Variants in DIAPH2 observed in about 807,000 individuals in gnomAD.
DIAPH2 encodes protein diaphanous homolog 2.
Under a neutral mutation model 92.7 loss-of-function variants are expected in DIAPH2, and 35 were observed. The observed-to-expected ratio is 0.38, with a 90% CI of 0.29 to 0.50. The LOEUF (loss-of-function observed/expected upper bound fraction) is 0.50, where lower values mean the gene tolerates loss of function less well. Ranked by LOEUF, DIAPH2 falls within the 20% of genes least tolerant of loss-of-function variation. The probability of loss-of-function intolerance (pLI) is 0.94; values close to 1 mark genes in which losing one functional copy is unlikely to be tolerated. For missense variants in DIAPH2, 701 were observed against 819.5 expected (o/e 0.86, Z 1.77); for synonymous variants, 301 against 280.4 (o/e 1.07, Z -0.73).
chrX:97,093,070 C>A (rs1207020124), intron 19 of DIAPH2, among the ~76,000 whole-genome samples: 1 of 108,627 alleles, frequency 9.2e-6, no homozygotes, highest in African/African-American at 3.4e-5. Flanking sequence ...AGCCTGTAGT[C>A]CCAACTGCTC....
At chrX:96,876,848 A>T (rs770173252) in intron 4 of DIAPH2, among the ~76,000 whole-genome samples, 1 of 111,080 alleles carries the variant, frequency 9.0e-6, no homozygotes, top group East Asian at 2.8e-4. Context: ...AACATGGCAC[A>T]TGTATACATA....
chrX:97,236,913 C>T lies in DIAPH2; in HGVS notation c.2720-10802C>T, dbSNP rs768035338. Among the ~76,000 whole-genome samples the T allele has an allele frequency of 7.2e-5, 8 of 111,656 alleles. No individual in the cohort carries two copies. In the East Asian group the frequency reaches 2.2e-3, roughly 31 times the overall value. Reference sequence around the variant, plus strand: ...AATGCTTATTCAAGAAGCAGGTAGTCGTCTTGTTGTGAAACAGTGTTCATT... The same window carrying T: ...AATGCTTATTCAAGAAGCAGGTAGTTGTCTTGTTGTGAAACAGTGTTCATT... On this transcript the variant is annotated intron_variant, in intron 22 of 26. Transcript: ENST00000324765.
chrX:96,823,744 GT>G (rs2064793683), intron 4 of DIAPH2, among the ~76,000 whole-genome samples: 2 of 109,463 alleles, frequency 1.8e-5, no homozygotes, highest in Non-Finnish European at 3.8e-5. Flanking sequence ...TTTTTGCCTT[GT>G]TTACCAACTT....
chrX:97,190,281 G>T (rs1324280895), intron 22 of DIAPH2, among the ~76,000 whole-genome samples: 7 of 112,514 alleles, frequency 6.2e-5, no homozygotes, highest in Non-Finnish European at 1.3e-4. Flanking sequence ...CATCACTAGG[G>T]TAGATGAACA....
chrX:96,888,590 T>C (rs377592097), intron 5 of DIAPH2, among the ~76,000 whole-genome samples: 2 of 98,515 alleles, frequency 2.0e-5, no homozygotes, highest in Non-Finnish European at 4.1e-5. Context: ...TCTATATATA[T>C]ACAGATATAT....
chrX:97,340,658 GTT>G (rs1197732406), intron 23 of DIAPH2, among the ~76,000 whole-genome samples: 3 of 95,190 alleles, frequency 3.2e-5, no homozygotes, highest in Non-Finnish European at 4.3e-5. Context: ...TGTTTTTTTT[GTT>G]TTTTTTTTTT....
intron 22 of DIAPH2, among the ~76,000 whole-genome samples, chrX:97,203,021 C>G (rs1032367920): frequency 8.9e-6 from 1 of 112,187 alleles, no homozygotes; most frequent in Admixed American, 9.4e-5. Flanking sequence ...GAAACTCACT[C>G]AAAGTCACAC....
chrX:97,100,574 TA>T (rs899179445), intron 20 of DIAPH2, among the ~76,000 whole-genome samples: 9 of 111,974 alleles, frequency 8.0e-5, no homozygotes, highest in Non-Finnish European at 1.5e-4. Context: ...ATTTTTTACT[TA>T]GGTGGTCAGT....
intron 19 of DIAPH2, among the ~76,000 whole-genome samples, chrX:97,080,235 C>T (rs1289431964): frequency 9.3e-6 from 1 of 108,013 alleles, no homozygotes; most frequent in African/African-American, 3.4e-5. Context: ...CCCTTCCTCC[C>T]TCATTCCCTT....
intron 1 of DIAPH2, among the ~76,000 whole-genome samples, chrX:96,699,259 G>A (rs925198276): frequency 8.9e-6 from 1 of 111,781 alleles, no homozygotes; most frequent in African/African-American, 3.3e-5. Flanking sequence ...TATAGTCCTG[G>A]TTGTTGATGT....
At chrX:97,032,184 A>T (rs142850260) in intron 17 of DIAPH2, among the ~76,000 whole-genome samples, 1 of 111,260 alleles carries the variant, frequency 9.0e-6, no homozygotes, top group African/African-American at 3.3e-5. Context: ...GATCACTCTG[A>T]TTATGGTCTG....
intron 17 of DIAPH2, among the ~76,000 whole-genome samples, chrX:96,989,732 T>C (rs1477949131): frequency 2.7e-5 from 3 of 111,627 alleles, no homozygotes; most frequent in Non-Finnish European, 5.7e-5. Context: ...GAACTCCAAA[T>C]AAATTATTTT....
intron 24 of DIAPH2, among the ~76,000 whole-genome samples, chrX:97,379,877 A>G (rs1391315903): frequency 1.8e-5 from 2 of 111,651 alleles, no homozygotes; most frequent in African/African-American, 6.5e-5. Flanking sequence ...TGAGGCTGGC[A>G]TCTGGGCTCC....
At chrX:97,008,534 G>A (rs2066200799) in intron 17 of DIAPH2, among the ~76,000 whole-genome samples, 3 of 111,361 alleles carry the variant, frequency 2.7e-5, no homozygotes, top group Non-Finnish European at 3.8e-5. Context: ...CTTGGCACTC[G>A]GGGCTTGTTT....
intron 26 of DIAPH2, among the ~76,000 whole-genome samples, chrX:97,448,070 A>G (rs939752030): frequency 1.8e-5 from 2 of 112,425 alleles, no homozygotes; most frequent in African/African-American, 3.2e-5. Flanking sequence ...TAATAAAAGA[A>G]GGCAGATTTA....
chrX:96,798,245 A>G (rs1295726394), intron 4 of DIAPH2, among the ~76,000 whole-genome samples: 1 of 112,138 alleles, frequency 8.9e-6, no homozygotes, highest in African/African-American at 3.2e-5. Flanking sequence ...TTTTTTCTGT[A>G]GTAGATCACT....
chrX:96,777,610 A>G (rs772455070), intron 4 of DIAPH2, among the ~76,000 whole-genome samples: 2 of 111,691 alleles, frequency 1.8e-5, no homozygotes, highest in African/African-American at 6.5e-5. Context: ...ATGGCTGCTA[A>G]AACAATTTCA....
At chrX:97,389,420 C>A (rs1157291181) in intron 25 of DIAPH2, among the ~76,000 whole-genome samples, 2 of 100,976 alleles carry the variant, frequency 2.0e-5, no homozygotes, top group Non-Finnish European at 4.0e-5. Flanking sequence ...GAGCCGAGAT[C>A]ACGCCACTGC....
chrX:97,283,145 A>T (rs1210182712), intron 23 of DIAPH2, among the ~76,000 whole-genome samples: 1 of 111,846 alleles, frequency 8.9e-6, no homozygotes, highest in East Asian at 2.8e-4. Context: ...GGGATACAAC[A>T]TGTATGTGAG....
Sources: gnomAD v4.1 joint callset for allele counts (sites outside exome capture counted in the v4.1 genomes callset) on GRCh38, gnomAD v4.1.1 for gene constraint, MANE v1.5 for transcripts, NCBI Gene and HGNC (gene_info 2026-07-23, HGNC 2026-07-21) for gene names.